Variants in INPP4B observed in about 807,000 individuals in gnomAD.
The protein encoded by INPP4B is inositol polyphosphate-4-phosphatase type II B.
A neutral mutation model predicts 122.5 loss-of-function variants in INPP4B; 55 were observed. The ratio of observed to expected loss-of-function variants is 0.45; its 90% CI spans 0.36 to 0.56. The LOEUF is 0.56. Ranked by LOEUF, INPP4B falls within the 20% of genes least tolerant of loss-of-function variation. The pLI is 0.00. For missense variants in INPP4B, 1,000 were observed against 1,097.7 expected, an observed-to-expected ratio of 0.91 and a Z score of 1.26; for synonymous variants, 403 against 388.7, an observed-to-expected ratio of 1.04 and a Z score of -0.43.
At chr4:142,702,391 CATAAAA>C (rs944722400) in intron 2 of INPP4B, among the ~76,000 whole-genome samples, 1 of 152,008 alleles carries the variant, frequency 6.6e-6, no homozygotes, top group Middle Eastern at 3.2e-3. Context: ...ATTGCAAAAA[CATAAAA>C]ATAGAAATCT....
intron 1 of INPP4B, among the ~76,000 whole-genome samples, chr4:142,821,102 C>A (rs1167436583): frequency 6.6e-6 from 1 of 152,088 alleles, no homozygotes; most frequent in African/African-American, 2.4e-5. Context: ...TGCAGGCTTG[C>A]TCCTTTGGTC....
At chr4:142,454,064 G>C (rs1814871697) in intron 3 of INPP4B, among the ~76,000 whole-genome samples, 1 of 152,052 alleles carries the variant, frequency 6.6e-6, no homozygotes, top group Non-Finnish European at 1.5e-5. Flanking sequence ...TTGTGTAAAA[G>C]TATGATATGA....
At chr4:142,792,268 T>C (rs1776651687) in intron 1 of INPP4B, among the ~76,000 whole-genome samples, 1 of 151,902 alleles carries the variant, frequency 6.6e-6, no homozygotes, top group Non-Finnish European at 1.5e-5. Context: ...TTTTTATTAT[T>C]TTTTAGAAAA....
At position 142,627,368 on chromosome 4, in the gene INPP4B, A is replaced by G. The variant is rs1359281035; in HGVS notation, c.-191+98471T>C. 5.4e-5 allele frequency among the ~76,000 whole-genome samples: 8 copies of G among 147,944 alleles called. No individual in the cohort carries two copies. The Admixed American group carries it at 5.5e-4, about 10-fold the overall frequency. On this transcript the variant is annotated intron_variant, in intron 2 of 25. Transcript: ENST00000262992. ...GAATGCTTCCAGTTTTTGCCCATTCAGTATGATATTGGCTGTGGGTTTGTC... is the reference window on the plus strand; with the variant it reads ...GAATGCTTCCAGTTTTTGCCCATTCGGTATGATATTGGCTGTGGGTTTGTC...
intron 2 of INPP4B, among the ~76,000 whole-genome samples, chr4:142,524,706 C>T: frequency 6.6e-6 from 1 of 152,130 alleles, no homozygotes; most frequent in Non-Finnish European, 1.5e-5. Context: ...GCTAAAAACT[C>T]TCAATAAATT....
chr4:142,290,195 C>CT (rs35260066), intron 9 of INPP4B, among the ~76,000 whole-genome samples: 7,022 of 77,406 alleles, frequency 0.091, 1,840 homozygotes, highest in East Asian at 0.17. Context: ...TTCTTTCTTC[C>CT]TTTTTTTTTT....
chr4:142,354,269 C>A (rs1230108389), intron 7 of INPP4B, among the ~76,000 whole-genome samples: 1 of 152,064 alleles, frequency 6.6e-6, no homozygotes, highest in South Asian at 2.1e-4. Context: ...ACTCTTACAC[C>A]TAAAAATTCA....
chr4:142,537,400 G>GTATATATATA lies in INPP4B; in HGVS notation c.-190-74684_-190-74675dup, dbSNP rs34425745. ...TCAGAGACCAGAGATTTTACATACA[G>GTATATATATA]TATATATATATATATATATATATAT... On this transcript the variant is annotated intron_variant, in intron 2 of 25. Coordinates refer to ENST00000262992, the MANE Select transcript of INPP4B (RefSeq NM_001101669.3). 4.9e-3 allele frequency among the ~76,000 whole-genome samples: 162 copies of GTATATATATA among 32,916 alleles called. 8 individuals are homozygous for GTATATATATA. The highest frequency in any genetic ancestry group is 7.1e-3 in the Non-Finnish European group (99 of 13,884). The allele number at this position is 32,916 out of a possible 152,430, so 21.6% of individuals were successfully genotyped here. A position where few individuals can be genotyped will look rare whatever the true frequency, so the allele number is the denominator to read the frequency against.
At chr4:142,095,141 T>TTTCTCACCC (rs1381531524) in intron 23 of INPP4B, among the ~76,000 whole-genome samples, 1 of 152,136 alleles carries the variant, frequency 6.6e-6, no homozygotes, top group Non-Finnish European at 1.5e-5. Context: ...GAGACTTCAA[T>TTTCTCACCC]TTCTCACCCT....
intron 2 of INPP4B, among the ~76,000 whole-genome samples, chr4:142,598,328 C>T (rs560513741): frequency 6.6e-6 from 1 of 152,268 alleles, no homozygotes; most frequent in Non-Finnish European, 1.5e-5. Flanking sequence ...TCAGAGACAC[C>T]ACAAGGGCAT....
intron 1 of INPP4B, among the ~76,000 whole-genome samples, chr4:142,837,780 A>G (rs1016434752): frequency 1.3e-5 from 2 of 152,164 alleles, no homozygotes; most frequent in Non-Finnish European, 2.9e-5. Flanking sequence ...AGGCACTTTT[A>G]AAAGGTTCAT....
At chr4:142,576,046 C>T (rs903742624) in intron 2 of INPP4B, among the ~76,000 whole-genome samples, 1 of 152,030 alleles carries the variant, frequency 6.6e-6, no homozygotes, top group Non-Finnish European at 1.5e-5. Context: ...GCCTAGATAT[C>T]GTTATTGATT....
intron 1 of INPP4B, among the ~76,000 whole-genome samples, chr4:142,732,736 A>G (rs1766290597): frequency 6.6e-6 from 1 of 152,170 alleles, no homozygotes; most frequent in Non-Finnish European, 1.5e-5. Context: ...GGAAGACTCA[A>G]TATTATAAGG....
intron 3 of INPP4B, among the ~76,000 whole-genome samples, chr4:142,435,485 G>A (rs2149401157): frequency 7.1e-6 from 1 of 141,112 alleles, no homozygotes; most frequent in African/African-American, 2.5e-5. Flanking sequence ...TGGGGGAGGG[G>A]GGGTGGGGCC....
At chr4:142,343,495 A>AC (rs199558587) in intron 7 of INPP4B, among the ~76,000 whole-genome samples, 9 of 147,300 alleles carry the variant, frequency 6.1e-5, no homozygotes, top group East Asian at 6.0e-4. Context: ...AAAAAAAAAA[A>AC]CCCCGAGAGT....
At chr4:142,634,295 G>C (rs1383685839) in intron 2 of INPP4B, among the ~76,000 whole-genome samples, 1 of 151,816 alleles carries the variant, frequency 6.6e-6, no homozygotes, top group Non-Finnish European at 1.5e-5. Flanking sequence ...TTGTTTCAGA[G>C]CACAGGAAAA....
At chr4:142,725,609 A>G (rs1043114652) in intron 2 of INPP4B, among the ~76,000 whole-genome samples, 1 of 152,220 alleles carries the variant, frequency 6.6e-6, no homozygotes, top group Non-Finnish European at 1.5e-5. Flanking sequence ...AAATGGTATC[A>G]GAAAATTAAC....
intron 2 of INPP4B, among the ~76,000 whole-genome samples, chr4:142,632,800 C>A (rs1197138823): frequency 2.0e-5 from 3 of 151,292 alleles, no homozygotes; most frequent in African/African-American, 7.3e-5. Context: ...GTTGTGAGAT[C>A]TAGAATAAAT....
intron 2 of INPP4B, among the ~76,000 whole-genome samples, chr4:142,652,754 A>G (rs1019230870): frequency 5.9e-5 from 9 of 152,186 alleles, no homozygotes; most frequent in Non-Finnish European, 8.8e-5. Context: ...TCATGGATAG[A>G]AAGAATCAAT....
Sources: gnomAD v4.1 joint callset for allele counts (sites outside exome capture counted in the v4.1 genomes callset) on GRCh38, gnomAD v4.1.1 for gene constraint, MANE v1.5 for transcripts, NCBI Gene and HGNC (gene_info 2026-07-23, HGNC 2026-07-21) for gene names.